The following AUTS2 variants were observed in gnomAD, a reference collection of about 807,000 sequenced individuals.
AUTS2 encodes the protein autism susceptibility gene 2 protein.
In AUTS2, 17 loss-of-function variants were observed where a neutral mutation model predicts 112.4. The ratio of observed to expected loss-of-function variants is 0.15; its 90% CI spans 0.10 to 0.23. The LOEUF (loss-of-function observed/expected upper bound fraction) is 0.23. AUTS2 is among the 10% of genes least tolerant of loss of function. The pLI, the probability that AUTS2 is intolerant of heterozygous loss-of-function variation, is 1.00. For missense variants in AUTS2, 1,510 were observed against 1,701.6 expected (o/e 0.89, Z 1.98); for synonymous variants, 751 against 702.7 (o/e 1.07, Z -1.09).
At chr7:70,513,649 A>G (rs1229057243) in intron 5 of AUTS2, among the ~76,000 whole-genome samples, 7 of 149,676 alleles carry the variant, frequency 4.7e-5, no homozygotes, top group African/African-American at 1.7e-4. Flanking sequence ...CATAGAAATC[A>G]TCTACTTTTC....
At chr7:70,775,326 A>G (rs1253763435) in intron 12 of AUTS2, 31 bp from the exon 13 acceptor site, 3 of 1,604,170 alleles carry the variant, frequency 1.9e-6, no homozygotes, top group Middle Eastern at 1.6e-4. Flanking sequence ...AGTGACAGGC[A>G]TGTAACCAAG....
chr7:70,550,746 A>G (rs1189217409), intron 5 of AUTS2, among the ~76,000 whole-genome samples: 1 of 152,136 alleles, frequency 6.6e-6, no homozygotes, highest in Non-Finnish European at 1.5e-5. Flanking sequence ...CACATATAGA[A>G]ATCTTTACAG....
chr7:70,169,366 G>A (rs752847586), intron 4 of AUTS2, among the ~76,000 whole-genome samples: 10 of 151,820 alleles, frequency 6.6e-5, no homozygotes, highest in South Asian at 4.2e-4. Context: ...TCAGCCTCCC[G>A]AGTAGCTGCG....
At chr7:70,483,689 T>C (rs866987806) in intron 5 of AUTS2, among the ~76,000 whole-genome samples, 4 of 152,172 alleles carry the variant, frequency 2.6e-5, no homozygotes, top group African/African-American at 7.2e-5. Flanking sequence ...GTAGGATTTA[T>C]GGAGGAGAAC....
chr7:70,103,958 C>T (rs1804632714), intron 2 of AUTS2, among the ~76,000 whole-genome samples: 1 of 151,246 alleles, frequency 6.6e-6, no homozygotes, highest in Non-Finnish European at 1.5e-5. Flanking sequence ...TAAGAGTAGA[C>T]AAATGTGTAC....
At chr7:70,304,719 T>TG (rs1789409766) in intron 4 of AUTS2, among the ~76,000 whole-genome samples, 1 of 134,808 alleles carries the variant, frequency 7.4e-6, no homozygotes, top group Admixed American at 7.2e-5. Flanking sequence ...ATTTTTAACT[T>TG]TTTTTTTTTT....
intron 4 of AUTS2, among the ~76,000 whole-genome samples, chr7:70,382,710 AACTC>A (rs760218846): frequency 3.3e-5 from 5 of 152,328 alleles, no homozygotes; most frequent in Non-Finnish European, 7.3e-5. Context: ...CTCTGTGTAC[AACTC>A]ACTCACTGTC....
At chr7:69,927,450 A>C (rs945958085) in intron 2 of AUTS2, among the ~76,000 whole-genome samples, 4 of 152,112 alleles carry the variant, frequency 2.6e-5, no homozygotes, top group South Asian at 2.1e-4. Context: ...TTAAAAAAAA[A>C]ATCTTGTATA....
chr7:70,165,693 A>G (rs1389595579), intron 4 of AUTS2, among the ~76,000 whole-genome samples: 3 of 152,198 alleles, frequency 2.0e-5, no homozygotes, highest in Non-Finnish European at 4.4e-5. Context: ...TAGCAGGAGT[A>G]CGCTGCTCTA....
At chr7:70,728,787 G>C (rs911400167) in intron 6 of AUTS2, among the ~76,000 whole-genome samples, 3 of 151,600 alleles carry the variant, frequency 2.0e-5, no homozygotes, top group African/African-American at 7.3e-5. Flanking sequence ...CCCAATTGGT[G>C]ATTCTACCAG....
intron 5 of AUTS2, among the ~76,000 whole-genome samples, chr7:70,675,589 G>A (rs183246973): frequency 6.6e-6 from 1 of 152,334 alleles, no homozygotes; most frequent in East Asian, 1.9e-4. Flanking sequence ...GATTTGGTGG[G>A]TCAGAAATTC....
At chr7:70,737,568 C>A (rs983654571) in intron 6 of AUTS2, among the ~76,000 whole-genome samples, 1 of 152,216 alleles carries the variant, frequency 6.6e-6, no homozygotes, top group Non-Finnish European at 1.5e-5. Flanking sequence ...TTGAAATTCA[C>A]AAGCCCCTCT....
intron 5 of AUTS2, among the ~76,000 whole-genome samples, chr7:70,513,342 G>A (rs1468870540): frequency 6.6e-6 from 1 of 152,164 alleles, no homozygotes; most frequent in African/African-American, 2.4e-5. Context: ...TAAATGGAGA[G>A]CACAGCACCA....
intron 5 of AUTS2, among the ~76,000 whole-genome samples, chr7:70,488,706 A>G (rs1019991747): frequency 6.6e-6 from 1 of 152,230 alleles, no homozygotes. Context: ...CCTGCTCCCA[A>G]ACATTCTCAT....
chr7:69,755,582 T>G (rs1290291424), intron 1 of AUTS2, among the ~76,000 whole-genome samples: 4 of 152,208 alleles, frequency 2.6e-5, no homozygotes, highest in Non-Finnish European at 5.9e-5. Flanking sequence ...TGGGAATACT[T>G]GAGGTGTCAC....
intron 1 of AUTS2, among the ~76,000 whole-genome samples, chr7:69,706,565 C>T (rs941835006): frequency 2.6e-5 from 4 of 152,196 alleles, no homozygotes; most frequent in African/African-American, 9.6e-5. Flanking sequence ...AAATGTTTGT[C>T]AAATTGAATT....
intron 5 of AUTS2, among the ~76,000 whole-genome samples, chr7:70,528,093 ATTTTTTTTTTT>A (rs10651355): frequency 1.4e-4 from 14 of 97,278 alleles, no homozygotes; most frequent in African/African-American, 9.0e-5. Flanking sequence ...AAATTTAAGG[ATTTTTTTTTTT>A]TTTTTTTTTT....
chr7:69,686,275 G>T (rs748588448), intron 1 of AUTS2, among the ~76,000 whole-genome samples: 3 of 152,118 alleles, frequency 2.0e-5, no homozygotes, highest in African/African-American at 2.4e-5. Context: ...ACAGATACTC[G>T]AATGTCAGAC....
At chr7:69,862,506 A>G (rs998118460) in intron 1 of AUTS2, among the ~76,000 whole-genome samples, 21 of 152,326 alleles carry the variant, frequency 1.4e-4, no homozygotes, top group African/African-American at 5.1e-4. Flanking sequence ...GTGTCCCTGT[A>G]GGATGAGACC....
Sources: gnomAD v4.1 joint callset for allele counts (sites outside exome capture counted in the v4.1 genomes callset) on GRCh38, gnomAD v4.1.1 for gene constraint, MANE v1.5 for transcripts, NCBI Gene and HGNC (gene_info 2026-07-23, HGNC 2026-07-21) for gene names.